Variants in SH2D3C observed in about 807,000 individuals in gnomAD.
SH2D3C encodes the protein SH2 domain containing 3C.
In SH2D3C, 25 loss-of-function variants were observed where a neutral mutation model predicts 75.2. The ratio of observed to expected loss-of-function variants is 0.33; its 90% CI spans 0.24 to 0.46. The LOEUF (loss-of-function observed/expected upper bound fraction) is 0.46. SH2D3C is among the 20% of genes least tolerant of loss of function. The pLI is 1.00. For synonymous variants in SH2D3C, 450 were observed against 473.7 expected (o/e 0.95, Z 0.65); for missense variants, 933 against 1,165.3 (o/e 0.80, Z 2.90).
In SH2D3C at chr9:127,749,199, G is replaced by A; in HGVS notation, c.1139+12C>T. On this transcript the variant is annotated intron_variant, in intron 5 of 11. Coordinates refer to ENST00000314830, the MANE Select transcript of SH2D3C (RefSeq NM_170600.3). The surrounding 1 kb of genome is among the most constrained non-coding windows in gnomAD (Gnocchi z 5.9). ...CCCACAACCCCATTTGACAAATGGG[G>A]CCCTGGCTGACCTGGTGGGGCAGCC... 1 of 1,538,870 alleles carries A rather than the reference G, an allele frequency of 6.5e-7. No homozygotes were observed. Among genetic ancestry groups the A allele is most frequent in the Non-Finnish European group, 8.8e-7 (1 of 1,140,962 alleles).
chr9:127,752,831 T>C (rs1223845120), intron 3 of SH2D3C, among the ~76,000 whole-genome samples: 1 of 152,140 alleles, frequency 6.6e-6, no homozygotes, highest in Admixed American at 6.5e-5. Context: ...CCAGGTTTCC[T>C]GAATGTCCCG....
intron 1 of SH2D3C, among the ~76,000 whole-genome samples, chr9:127,776,317 C>T (rs966582156): frequency 1.3e-5 from 2 of 151,542 alleles, no homozygotes; most frequent in East Asian, 3.9e-4. Context: ...GTGTTTTGTG[C>T]TCATGTAGGG....
At chr9:127,763,350 T>C (rs761983237) in intron 2 of SH2D3C, among the ~76,000 whole-genome samples, 1 of 152,164 alleles carries the variant, frequency 6.6e-6, no homozygotes, top group Non-Finnish European at 1.5e-5. Context: ...CTTATGAAAG[T>C]GTTGACTTTG....
rs780489062 is a variant in SH2D3C at position 127,738,808 on chromosome 9, C to T, written c.2521G>A (p.Asp841Asn). ...SSQARRYEKF[D>N]KVLTALSHKL... ...TGGGACAGGGCAGTGAGGACCTTGT[C>T]GAACTTCTCATAGCGCCGGGCCTGG... The change falls in exon 12 of 12, where the codon GAC becomes AAC. Residue 841 changes from aspartate to asparagine, a missense_variant. Transcript: ENST00000314830. This position sits in a 1 kb window ranked among gnomAD's most constrained non-coding sequence, Gnocchi z 5.0. 3.1e-6 allele frequency: 5 copies of T among 1,608,622 alleles called. No homozygotes were observed. Among genetic ancestry groups the T allele is most frequent in the East Asian group, 2.2e-5 (1 of 44,770 alleles).
Position 127,754,941 on chromosome 9 carries a change from G to T in SH2D3C, c.556-3641C>A. On this transcript the variant is annotated intron_variant, in intron 3 of 11. Coordinates refer to ENST00000314830, the MANE Select transcript of SH2D3C (RefSeq NM_170600.3). This position sits in a 1 kb window ranked among gnomAD's most constrained non-coding sequence, Gnocchi z 4.4. Reference sequence around the variant, plus strand: ...GCTGGGGTGACCCCGCCCCCTCCCCGGGTCGGCCGGGCCCAGCCCAGCCCG... The same window carrying T: ...GCTGGGGTGACCCCGCCCCCTCCCCTGGTCGGCCGGGCCCAGCCCAGCCCG... The T allele has an allele frequency of 2.0e-6, 1 of 511,894 alleles. No homozygotes were observed. The highest frequency in any genetic ancestry group is 3.6e-6 in the Non-Finnish European group (1 of 275,660). The allele number at this position is 511,894 out of a possible 1,614,324, so 31.7% of individuals were successfully genotyped here.
At position 127,739,782 on chromosome 9, in the gene SH2D3C, C is replaced by T. The variant is rs574294324; in HGVS notation, c.2307G>A (p.Thr769=). The T allele has an allele frequency of 8.7e-6, 14 of 1,601,692 alleles. No individual in the cohort carries two copies. Among genetic ancestry groups the T allele is most frequent in the Admixed American group, 5.1e-5 (3 of 58,616 alleles). ...CCAGCACCACCTCCACGCCGTGCTC[C>T]GTGCTGCCCCAGGGCTCAGGGCCCT... ...PPEGPEPWGS[T]EHGVEVVLAH... is the part of the protein sequence containing the mutation. Residue 769 remains threonine, a synonymous_variant, in exon 11 of 12, where the codon ACG becomes ACA. Coordinates refer to ENST00000314830, the MANE Select transcript of SH2D3C (RefSeq NM_170600.3). This position sits in a 1 kb window ranked among gnomAD's most constrained non-coding sequence, Gnocchi z 4.3.
intron 1 of SH2D3C, among the ~76,000 whole-genome samples, chr9:127,776,843 T>C (rs1193139026): frequency 6.6e-6 from 1 of 152,126 alleles, no homozygotes; most frequent in Admixed American, 6.5e-5. Flanking sequence ...CGGCCCTATT[T>C]GGTTATTGCC....
At position 127,739,646 on chromosome 9, in the gene SH2D3C, G is replaced by T; in HGVS notation, c.2407+36C>A. On this transcript the variant is annotated intron_variant, in intron 11 of 11. Coordinates refer to ENST00000314830, the MANE Select transcript of SH2D3C (RefSeq NM_170600.3). The surrounding 1 kb of genome is among the most constrained non-coding windows in gnomAD (Gnocchi z 4.3). ...GTGAGGCAGGTGGAGGGAGGCCCAG[G>T]CCTGCAAGCCCCCCAAGATGCCACC... 6.4e-7 allele frequency: 1 copy of T among 1,566,178 alleles called. No individual in the cohort carries two copies. The highest frequency in any genetic ancestry group is 8.7e-7 in the Non-Finnish European group (1 of 1,148,932).
chr9:127,769,799 T>A (rs1335879148), intron 2 of SH2D3C, among the ~76,000 whole-genome samples: 1 of 152,154 alleles, frequency 6.6e-6, no homozygotes, highest in Non-Finnish European at 1.5e-5. Context: ...GACACCCAAT[T>A]TCTCTGTGAC....
chr9:127,764,409 C>G (rs965457693), intron 2 of SH2D3C, among the ~76,000 whole-genome samples: 32 of 152,334 alleles, frequency 2.1e-4, no homozygotes, highest in Non-Finnish European at 4.0e-4. Flanking sequence ...ATCTGTGTCC[C>G]TGAGACCTAT....
intron 3 of SH2D3C, chr9:127,755,199 G>A (rs1245877946): frequency 1.7e-6 from 2 of 1,201,432 alleles, no homozygotes; most frequent in Non-Finnish European, 2.1e-6. Context: ...GTGTGGGGGG[G>A]CGGTGGCCGG....
rs1251704550 is a variant in SH2D3C at position 127,754,009 on chromosome 9, T to C, written c.556-2709A>G. Among the ~76,000 whole-genome samples the C allele has an allele frequency of 2.0e-5, 3 of 152,108 alleles. No individual in the cohort carries two copies. Among genetic ancestry groups the C allele is most frequent in the Admixed American group, 6.5e-5 (1 of 15,282 alleles). On this transcript the variant is annotated intron_variant, in intron 3 of 11. Transcript: ENST00000314830. This position sits in a 1 kb window ranked among gnomAD's most constrained non-coding sequence, Gnocchi z 4.4. The stretch of plus-strand genomic sequence containing the variant: ...AGCTTAATCACTGGTCACGGAGAGT[T>C]TGGGGGGACCAACTTGGTCCTCCCA...
At chr9:127,740,841 C>T (rs1237136681) in intron 9 of SH2D3C, among the ~76,000 whole-genome samples, 2 of 152,134 alleles carry the variant, frequency 1.3e-5, no homozygotes, top group Non-Finnish European at 1.5e-5. Flanking sequence ...TCACCACGCC[C>T]GGCTAATTTG....
intron 2 of SH2D3C, among the ~76,000 whole-genome samples, chr9:127,763,105 C>T (rs1216938580): frequency 6.6e-6 from 1 of 152,206 alleles, no homozygotes; most frequent in East Asian, 1.9e-4. Flanking sequence ...ACTTGCTGTT[C>T]CCTCTGCCTG....
rs1243244921 is a variant in SH2D3C, at chr9:127,769,741, G to A, written c.515+4249C>T. ...TGCAGGAGGGGAAATGTGACCTAGT[G>A]GTTTAGAGCTTGGGCTTAGTCAGGC... On this transcript the variant is annotated intron_variant, in intron 2 of 11. Coordinates refer to ENST00000314830, the MANE Select transcript of SH2D3C (RefSeq NM_170600.3). Among the ~76,000 whole-genome samples, 3 of 152,152 alleles carry A rather than the reference G, an allele frequency of 2.0e-5. No homozygotes were observed. In the East Asian group the frequency reaches 5.8e-4, roughly 29 times the overall value.
At chr9:127,742,531 C>T in intron 8 of SH2D3C, 1 of 270,506 alleles carries the variant, frequency 3.7e-6, no homozygotes, top group Non-Finnish European at 7.0e-6. Context: ...GCCACCGCGC[C>T]CGGCCAGGCA....
intron 3 of SH2D3C, among the ~76,000 whole-genome samples, chr9:127,758,387 A>C (rs577678449): frequency 9.9e-5 from 15 of 152,080 alleles, no homozygotes; most frequent in South Asian, 2.1e-4. Context: ...AAAAAAAAAA[A>C]CCTACATTTT....
chr9:127,764,555 C>T (rs1045356778), intron 2 of SH2D3C, among the ~76,000 whole-genome samples: 1 of 152,190 alleles, frequency 6.6e-6, no homozygotes, highest in Non-Finnish European at 1.5e-5. Flanking sequence ...GCCTTGCACA[C>T]TGACCCCATG....
rs1844899028 is a variant in SH2D3C at position 127,742,712 on chromosome 9, G to A, written c.1916+137C>T. ...GAGCGGGTTATCAGGGCTTGCGATT[G>A]GTCAATGGGATGGGAGGCGTGGCCA... On this transcript the variant is annotated intron_variant, in intron 8 of 11. Transcript: ENST00000314830. The A allele has an allele frequency of 8.2e-6, 5 of 607,094 alleles. No homozygotes were observed. In the East Asian group the frequency reaches 8.6e-5, roughly 10 times the overall value. The allele number at this position is 607,094 out of a possible 1,614,324, so 37.6% of individuals were successfully genotyped here. A position where few individuals can be genotyped will look rare whatever the true frequency, so the allele number is the denominator to read the frequency against.
Sources: allele counts gnomAD v4.1 joint callset (sites outside exome capture counted in the v4.1 genomes callset), GRCh38; gene constraint gnomAD v4.1.1; non-coding constraint Gnocchi (gnomAD v3.1); transcripts MANE v1.5; gene names NCBI Gene and HGNC (gene_info 2026-07-23, HGNC 2026-07-21).